Variants in UBXN2B observed in about 807,000 individuals in gnomAD.
UBXN2B encodes the protein UBX domain-containing protein 2B.
In UBXN2B, 19 loss-of-function variants were observed where a neutral mutation model predicts 37.5. That is an observed-to-expected ratio of 0.51 (90% CI 0.35 to 0.74). UBXN2B has a LOEUF of 0.74. UBXN2B is among the 30% of genes least tolerant of loss of function. The pLI is 0.01. For synonymous variants in UBXN2B, 145 were observed against 143.8 expected (o/e 1.01, Z -0.06); for missense variants, 370 against 393.2 (o/e 0.94, Z 0.50).
At position 58,445,953 on chromosome 8, in the gene UBXN2B, G is replaced by A. The variant is rs774406501; in HGVS notation, c.718G>A (p.Asp240Asn). ...VSTPSSPEEE[D>N]KSILNAVVLI... is the part of the protein sequence containing the mutation. Reference sequence around the variant, plus strand: ...TACACCTTCCTCTCCAGAAGAGGAGGATAAATCAATACTTAATGCAGTTGT... The same window carrying A: ...TACACCTTCCTCTCCAGAAGAGGAGAATAAATCAATACTTAATGCAGTTGT... Residue 240 changes from aspartate (D) to asparagine (N), a missense_variant, in exon 7 of 8, where the codon GAT becomes AAT. Around this residue, in one of 3 missense-constraint regions of UBXN2B, gnomAD observed 90 missense variants for 139.4 expected, o/e 0.65. Coordinates refer to ENST00000399598, the MANE Select transcript of UBXN2B (RefSeq NM_001077619.2). The A allele has an allele frequency of 7.4e-6, 12 of 1,612,240 alleles. No homozygotes were observed. The South Asian group carries it at 1.3e-4, about 18-fold the overall frequency.
intron 6 of UBXN2B, 73 bp downstream of exon 6, chr8:58,439,843 G>T: frequency 6.7e-7 from 1 of 1,500,322 alleles, no homozygotes; most frequent in South Asian, 1.4e-5. Context: ...AAAGCAAAAT[G>T]ACCTATGAAG....
At chr8:58,416,746 T>A (rs1023609216) in intron 1 of UBXN2B, 104 bp from the exon 2 acceptor site, 40 of 901,204 alleles carry the variant, frequency 4.4e-5, no homozygotes, top group Non-Finnish European at 7.8e-6. Context: ...TCATGAAAAG[T>A]CTTTACCACT....
At chr8:58,443,048 T>TACTTCTGGGGACAGCCTCAGC (rs1808587704) in intron 6 of UBXN2B, among the ~76,000 whole-genome samples, 1 of 152,192 alleles carries the variant, frequency 6.6e-6, no homozygotes, top group African/African-American at 2.4e-5. Flanking sequence ...TGTGACTCAG[T>TACTTCTGGGGACAGCCTCAGC]ACTTCTGGGG....
intron 2 of UBXN2B, among the ~76,000 whole-genome samples, chr8:58,422,301 C>G: frequency 6.6e-6 from 1 of 152,200 alleles, no homozygotes; most frequent in East Asian, 1.9e-4. Context: ...GCCAAACTAA[C>G]TCAGGGTCTT....
intron 5 of UBXN2B, chr8:58,435,105 T>C (rs777635715): frequency 5.6e-6 from 8 of 1,416,036 alleles, no homozygotes; most frequent in Non-Finnish European, 7.3e-6. Context: ...ATGATTAAAC[T>C]AGCTGAAAGT....
At chr8:58,441,751 A>T (rs989754622) in intron 6 of UBXN2B, among the ~76,000 whole-genome samples, 2 of 152,232 alleles carry the variant, frequency 1.3e-5, no homozygotes, top group African/African-American at 4.8e-5. Flanking sequence ...AAAATAACAG[A>T]AAAGAAAGGA....
intron 2 of UBXN2B, chr8:58,425,758 C>T (rs1038525377): frequency 8.7e-7 from 1 of 1,146,260 alleles, no homozygotes; most frequent in Non-Finnish European, 1.3e-6. Context: ...CCCATGTTTC[C>T]ATCATAGGAT....
chr8:58,426,732 G>C lies in UBXN2B; in HGVS notation c.189-3787G>C, dbSNP rs537184812. Reference sequence around the variant, plus strand: ...CGTGACAGACCCGTTCCTTGCTCAGGCTCCACTGGGCTCGGTCACGTTGGG... The same window carrying C: ...CGTGACAGACCCGTTCCTTGCTCAGCCTCCACTGGGCTCGGTCACGTTGGG... On this transcript the variant is annotated intron_variant, in intron 2 of 7. Transcript: ENST00000399598. 917 of 658,562 alleles carry C rather than the reference G, an allele frequency of 1.4e-3. 5 individuals are homozygous for C. The highest frequency in any genetic ancestry group is 3.0e-3 in the Middle Eastern group (7 of 2,358). The allele number at this position is 658,562 out of a possible 1,614,324, so 40.8% of individuals were successfully genotyped here. A position where few individuals can be genotyped will look rare whatever the true frequency, so the allele number is the denominator to read the frequency against.
rs33952664 is a variant in UBXN2B at position 58,441,348 on chromosome 8, C to CATATATATATATATATATATATAT, written c.671+1598_671+1599insATATATATATATATATATATATAT. The stretch of plus-strand genomic sequence containing the variant: ...TTTTTACTCCTCTTGTTGTGATCAA[C>CATATATATATATATATATATATAT]ATATATATATATATATATATGTATG... On this transcript the variant is annotated intron_variant, in intron 6 of 7. Coordinates refer to ENST00000399598, the MANE Select transcript of UBXN2B (RefSeq NM_001077619.2). Among the ~76,000 whole-genome samples, 575 of 104,248 alleles carry CATATATATATATATATATATATAT rather than the reference C, an allele frequency of 5.5e-3. 20 individuals carry two copies. Among genetic ancestry groups the CATATATATATATATATATATATAT allele is most frequent in the African/African-American group, 0.015 (372 of 24,774 alleles). 68.4% of individuals were successfully genotyped at this position (104,248 alleles called of 152,430 possible).
At chr8:58,433,084 T>G in intron 3 of UBXN2B, 76 bp from the exon 4 acceptor site, 1 of 1,244,320 alleles carries the variant, frequency 8.0e-7, no homozygotes, top group East Asian at 2.4e-5. Flanking sequence ...TAATCTAGTT[T>G]TAAAATACAT....
intron 1 of UBXN2B, among the ~76,000 whole-genome samples, chr8:58,412,741 T>A (rs937174057): frequency 6.6e-6 from 1 of 152,188 alleles, no homozygotes; most frequent in Non-Finnish European, 1.5e-5. Context: ...TTAGGAGAAA[T>A]GTCTTAACCT....
At chr8:58,434,367 AT>A in intron 4 of UBXN2B, 27 bp from the exon 5 acceptor site, 1 of 442,898 alleles carries the variant, frequency 2.3e-6, no homozygotes, top group Non-Finnish European at 3.2e-6. Flanking sequence ...ATATATATAT[AT>A]ATTTTTTTTT....
At chr8:58,424,541 G>T in intron 2 of UBXN2B, 1 of 856,678 alleles carries the variant, frequency 1.2e-6, no homozygotes, top group East Asian at 2.5e-5. Context: ...TTTAGGGAGA[G>T]AGTGAAGTCC....
chr8:58,421,703 T>G (rs1807929835), intron 2 of UBXN2B, among the ~76,000 whole-genome samples: 1 of 152,170 alleles, frequency 6.6e-6, no homozygotes. Flanking sequence ...CATCCCAGCC[T>G]CTCTGCCTGA....
chr8:58,446,891 A>G (rs1233085259), intron 7 of UBXN2B, among the ~76,000 whole-genome samples: 5 of 141,468 alleles, frequency 3.5e-5, no homozygotes, highest in African/African-American at 1.3e-4. Context: ...TCCGCCTTCC[A>G]GATTCAAGCA....
At chr8:58,435,285 G>A (rs1808383193) in intron 5 of UBXN2B, among the ~76,000 whole-genome samples, 1 of 152,194 alleles carries the variant, frequency 6.6e-6, no homozygotes, top group Non-Finnish European at 1.5e-5. Context: ...GTTGAAATAT[G>A]TCCAGGATGA....
Position 58,411,482 on chromosome 8 carries a change from G to A in UBXN2B, c.84+13G>A. On this transcript the variant is annotated intron_variant, in intron 1 of 7. Transcript: ENST00000399598. ...GCGGGATTTGCAGGTGAGGCGAGGA[G>A]CCGGGGGAGGGAGCGCGGCGGTGGA... 1 of 1,250,102 alleles carries A rather than the reference G, an allele frequency of 8.0e-7. No homozygotes were observed. The highest frequency in any genetic ancestry group is 3.6e-5 in the South Asian group (1 of 27,956). 77.4% of individuals were successfully genotyped at this position (1,250,102 alleles called of 1,614,324 possible). A position where few individuals can be genotyped will look rare whatever the true frequency, so the allele number is the denominator to read the frequency against.
intron 2 of UBXN2B, chr8:58,425,801 G>T: frequency 8.6e-7 from 1 of 1,168,452 alleles, no homozygotes; most frequent in Admixed American, 1.7e-5. Context: ...ATCTGTCAAA[G>T]AATCATACCG....
At chr8:58,441,371 A>G (rs980351719) in intron 6 of UBXN2B, among the ~76,000 whole-genome samples, 8 of 144,370 alleles carry the variant, frequency 5.5e-5, no homozygotes, top group African/African-American at 7.9e-5. Flanking sequence ...ATATATATGT[A>G]TGTGTATATA....
Sources: gnomAD v4.1 joint callset for allele counts (sites outside exome capture counted in the v4.1 genomes callset) on GRCh38, gnomAD v4.1.1 for gene constraint, gnomAD v4.1.1 regional missense constraint, MANE v1.5 for transcripts, NCBI Gene and HGNC (gene_info 2026-07-23, HGNC 2026-07-21) for gene names.